The following AK4 variants were observed in gnomAD, a reference collection of about 807,000 sequenced individuals.
AK4 encodes adenylate kinase 4, mitochondrial.
A neutral mutation model predicts 24.6 loss-of-function variants in AK4; 13 were observed. That is an observed-to-expected ratio of 0.53 (90% confidence interval 0.34 to 0.84). The LOEUF is 0.84. Among genes scored for constraint, AK4 ranks in the 40% least tolerant of loss-of-function variants. The pLI, the probability that AK4 is intolerant of heterozygous loss-of-function variation, is 0.01. For synonymous variants in AK4, 88 were observed against 107.0 expected, an observed-to-expected ratio of 0.82 and a Z score of 1.10; for missense variants, 192 against 288.2, an observed-to-expected ratio of 0.67 and a Z score of 2.42.
At chr1:65,177,717 T>G (rs1041258923) in intron 1 of AK4, among the ~76,000 whole-genome samples, 1 of 152,154 alleles carries the variant, frequency 6.6e-6, no homozygotes, top group African/African-American at 2.4e-5. Flanking sequence ...GAACAGACCC[T>G]TCCTTGTTAA....
At chr1:65,206,227 A>G (rs1425565102) in intron 2 of AK4, among the ~76,000 whole-genome samples, 1 of 152,196 alleles carries the variant, frequency 6.6e-6, no homozygotes, top group Non-Finnish European at 1.5e-5. Context: ...TATTGCCAGT[A>G]CCTATAACAG....
intron 2 of AK4, among the ~76,000 whole-genome samples, chr1:65,204,883 C>T (rs2101062438): frequency 6.6e-6 from 1 of 152,204 alleles, no homozygotes; most frequent in Non-Finnish European, 1.5e-5. Flanking sequence ...TTCTTTTACC[C>T]ACCTCTACTC....
intron 1 of AK4, among the ~76,000 whole-genome samples, chr1:65,188,169 C>T (rs752145980): frequency 1.3e-5 from 2 of 151,992 alleles, no homozygotes; most frequent in Non-Finnish European, 2.9e-5. Context: ...CAGATGTGGG[C>T]GGATCACTTG....
At chr1:65,224,223 A>G (rs1652384668) in intron 3 of AK4, among the ~76,000 whole-genome samples, 1 of 152,180 alleles carries the variant, frequency 6.6e-6, no homozygotes. Flanking sequence ...TATTTGATCT[A>G]GTAAAATAAC....
At chr1:65,190,561 A>G (rs1651272796) in intron 1 of AK4, 149 bp from the exon 2 acceptor site, 5 of 867,922 alleles carry the variant, frequency 5.8e-6, no homozygotes, top group East Asian at 2.7e-5. Flanking sequence ...ATTGACGTGA[A>G]TATTTTAAAA....
chr1:65,229,699 G>A lies in AK4; in HGVS notation c.*3522G>A, dbSNP rs933502604. 10 of 152,112 alleles carry A rather than the reference G, an allele frequency of 6.6e-5. No individual in the cohort carries two copies. The highest frequency in any genetic ancestry group is 2.4e-4 in the African/African-American group (10 of 41,428). The allele number at this position is 152,112 out of a possible 1,614,324, so 9.4% of individuals were successfully genotyped here. A position where few individuals can be genotyped will look rare whatever the true frequency, so the allele number is the denominator to read the frequency against. On this transcript the variant is annotated 3_prime_UTR_variant, in exon 5 of 5. Transcript: ENST00000327299. ...AGACTGTCAAAGTAGGCTGGGCTTGGGCCCAGGCTAATCTATGAAGGAAGC... is the reference window on the plus strand; with the variant it reads ...AGACTGTCAAAGTAGGCTGGGCTTGAGCCCAGGCTAATCTATGAAGGAAGC...
At chr1:65,158,092 G>A (rs146780834) in intron 1 of AK4, among the ~76,000 whole-genome samples, 33 of 152,256 alleles carry the variant, frequency 2.2e-4, no homozygotes, top group African/African-American at 7.2e-4. Flanking sequence ...TCAAAGGAAA[G>A]GGTTATCATG....
chr1:65,214,548 A>C (rs1557466660), intron 2 of AK4, among the ~76,000 whole-genome samples: 1 of 152,166 alleles, frequency 6.6e-6, no homozygotes, highest in African/African-American at 2.4e-5. Context: ...GTCTGATTAC[A>C]GGTAGAGATA....
intron 2 of AK4, among the ~76,000 whole-genome samples, chr1:65,210,495 T>C (rs903402129): frequency 2.6e-5 from 4 of 152,230 alleles, no homozygotes; most frequent in African/African-American, 4.8e-5. Context: ...CACATGCTAT[T>C]TGCAGAAGTC....
At chr1:65,189,678 C>CA (rs1553124615) in intron 1 of AK4, among the ~76,000 whole-genome samples, 6 of 137,882 alleles carry the variant, frequency 4.4e-5, no homozygotes, top group African/African-American at 1.5e-4. Flanking sequence ...CACACACACA[C>CA]CCCACACATT....
intron 1 of AK4, among the ~76,000 whole-genome samples, chr1:65,152,360 C>CTATATA (rs1649812696): frequency 1.2e-3 from 34 of 27,946 alleles, no homozygotes; most frequent in Admixed American, 2.2e-3. Flanking sequence ...CTCTCTCTCT[C>CTATATA]TATATATATA....
At chr1:65,183,649 C>CTGTGTG (rs1650985290) in intron 1 of AK4, among the ~76,000 whole-genome samples, 1 of 111,630 alleles carries the variant, frequency 9.0e-6, no homozygotes, top group African/African-American at 3.6e-5. Context: ...ATATAAATAT[C>CTGTGTG]CGTGTGTGTG....
intron 2 of AK4, among the ~76,000 whole-genome samples, chr1:65,198,068 A>T (rs1467742559): frequency 6.6e-6 from 1 of 152,130 alleles, no homozygotes; most frequent in Admixed American, 6.6e-5. Context: ...GTATGTGTTT[A>T]TGTGTAGGAG....
chr1:65,149,390 A>G (rs1389799369), intron 1 of AK4, among the ~76,000 whole-genome samples: 4 of 152,074 alleles, frequency 2.6e-5, no homozygotes, highest in Non-Finnish European at 5.9e-5. Flanking sequence ...CTCCCACTCC[A>G]CGTTCACACC....
In AK4 at chr1:65,210,092, C is replaced by T. The variant is rs187672164; in HGVS notation, c.266-8662C>T. Among the ~76,000 whole-genome samples, 364 of 152,304 alleles carry T rather than the reference C, an allele frequency of 2.4e-3. 3 individuals carry two copies. Among genetic ancestry groups the T allele is most frequent in the Non-Finnish European group, 3.7e-3 (249 of 68,026 alleles). ...GACTGTAGGTGTTGACCATTCTTCT[C>T]GGCTGAGTATCCATATTTTAAAAGT... On this transcript the variant is annotated intron_variant, in intron 2 of 4. Coordinates refer to ENST00000327299, the MANE Select transcript of AK4 (RefSeq NM_013410.4).
At chr1:65,175,641 G>A (rs1539551) in intron 1 of AK4, among the ~76,000 whole-genome samples, 1 of 151,912 alleles carries the variant, frequency 6.6e-6, no homozygotes, top group Admixed American at 6.6e-5. Context: ...GCTGTTCTAT[G>A]GTTTTTACAG....
At chr1:65,223,716 C>T (rs917175155) in intron 3 of AK4, among the ~76,000 whole-genome samples, 2 of 151,978 alleles carry the variant, frequency 1.3e-5, no homozygotes, top group Non-Finnish European at 2.9e-5. Context: ...TAAAACCAGC[C>T]AGGCGCAGTG....
chr1:65,155,723 C>T (rs962426443), intron 1 of AK4, among the ~76,000 whole-genome samples: 9 of 151,226 alleles, frequency 6.0e-5, no homozygotes, highest in Non-Finnish European at 2.9e-5. Flanking sequence ...AGTGCAGTGG[C>T]GTGTTCTCGG....
chr1:65,187,536 A>G (rs1480370303), intron 1 of AK4, among the ~76,000 whole-genome samples: 1 of 152,064 alleles, frequency 6.6e-6, no homozygotes, highest in Non-Finnish European at 1.5e-5. Context: ...TTGAGACTAT[A>G]CTGAAAGCTG....
Sources: allele counts gnomAD v4.1 joint callset (sites outside exome capture counted in the v4.1 genomes callset), GRCh38; gene constraint gnomAD v4.1.1; transcripts MANE v1.5; gene names NCBI Gene and HGNC (gene_info 2026-07-23, HGNC 2026-07-21).